The following PRRG2 variants were observed in gnomAD, a reference collection of about 807,000 sequenced individuals.
PRRG2 encodes the protein transmembrane gamma-carboxyglutamic acid protein 2.
Under a neutral mutation model 27.1 loss-of-function variants are expected in PRRG2, and 23 were observed. The ratio of observed to expected loss-of-function variants is 0.85; its 90% CI spans 0.61 to 1.20. The LOEUF (loss-of-function observed/expected upper bound fraction) is 1.20, where lower values mean the gene tolerates loss of function less well. Among genes scored for constraint, PRRG2 ranks in the 50% most tolerant of loss-of-function variants. The probability of loss-of-function intolerance (pLI) is 0.00; values close to 1 mark genes in which losing one functional copy is unlikely to be tolerated. For missense variants in PRRG2, 276 were observed against 254.8 expected, an observed-to-expected ratio of 1.08 and a Z score of -0.57; for synonymous variants, 104 against 103.4, an observed-to-expected ratio of 1.01 and a Z score of -0.03.
At position 49,582,456 on chromosome 19, in the gene PRRG2, C is replaced by T. The variant is rs541008645; in HGVS notation, c.-13-751C>T. On this transcript the variant is annotated intron_variant, in intron 1 of 6. Coordinates refer to ENST00000246794, the MANE Select transcript of PRRG2 (RefSeq NM_000951.3). Reference sequence around the variant, plus strand: ...CGCCTGGCTAATTTTTGTATGACTCCTGTGAAAAGTAAAATGAGTTGAGGC... The same window carrying T: ...CGCCTGGCTAATTTTTGTATGACTCTTGTGAAAAGTAAAATGAGTTGAGGC... Among the ~76,000 whole-genome samples the T allele has an allele frequency of 2.4e-3, 371 of 151,706 alleles. 2 individuals carry two copies. Among genetic ancestry groups the T allele is most frequent in the Non-Finnish European group, 4.2e-3 (286 of 67,886 alleles).
intron 6 of PRRG2, 120 bp downstream of exon 6, chr19:49,590,172 A>C: frequency 2.4e-6 from 3 of 1,245,104 alleles, no homozygotes; most frequent in Non-Finnish European, 3.3e-6. Context: ...CGGGGCTTGG[A>C]GTGCGGGGGC....
In PRRG2 at chr19:49,590,398, T is replaced by G. The variant is rs745837724; in HGVS notation, c.*9T>G. The G allele has an allele frequency of 6.2e-7, 1 of 1,614,088 alleles. No individual in the cohort carries two copies. The highest frequency in any genetic ancestry group is 1.3e-5 in the African/African-American group (1 of 75,036). On this transcript the variant is annotated 3_prime_UTR_variant, in exon 7 of 7. Transcript: ENST00000246794. Reference sequence around the variant, plus strand: ...TCAGGAGGCCTCACTGAAGAGCTGCTTTCGAGACCCGGCTCTCCGAACCGT... The same window carrying G: ...TCAGGAGGCCTCACTGAAGAGCTGCGTTCGAGACCCGGCTCTCCGAACCGT...
intron 4 of PRRG2, among the ~76,000 whole-genome samples, chr19:49,585,315 C>T (rs1331962014): frequency 1.3e-5 from 2 of 152,174 alleles, no homozygotes; most frequent in Non-Finnish European, 2.9e-5. Flanking sequence ...GGTAGCTGCA[C>T]CTTAGCAACA....
intron 1 of PRRG2, among the ~76,000 whole-genome samples, chr19:49,581,890 G>C (rs1172533574): frequency 6.6e-6 from 1 of 152,034 alleles, no homozygotes; most frequent in African/African-American, 2.4e-5. Flanking sequence ...GTGACCTTCG[G>C]CAAGCTATAT....
chr19:49,584,455 C>A (rs1023207453), intron 4 of PRRG2, among the ~76,000 whole-genome samples: 2 of 151,990 alleles, frequency 1.3e-5, no homozygotes, highest in Non-Finnish European at 1.5e-5. Context: ...CAGGCGTGAG[C>A]CACCGCGCCA....
chr19:49,585,152 C>A (rs903945760), intron 4 of PRRG2, among the ~76,000 whole-genome samples: 2 of 152,324 alleles, frequency 1.3e-5, no homozygotes, highest in South Asian at 2.1e-4. Flanking sequence ...TCCCCTCCCC[C>A]ACAGCCCCAT....
intron 1 of PRRG2, among the ~76,000 whole-genome samples, chr19:49,582,545 T>C (rs1376301185): frequency 6.6e-6 from 1 of 151,958 alleles, no homozygotes; most frequent in Non-Finnish European, 1.5e-5. Flanking sequence ...GGCAGGCAGA[T>C]CACTTGAGGT....
At chr19:49,582,757 A>G (rs889869788) in intron 1 of PRRG2, among the ~76,000 whole-genome samples, 14 of 151,700 alleles carry the variant, frequency 9.2e-5, no homozygotes, top group African/African-American at 3.4e-4. Context: ...AGTCCCAGCT[A>G]CTCGGGAGGC....
intron 4 of PRRG2, among the ~76,000 whole-genome samples, chr19:49,585,076 T>A (rs1056882855): frequency 2.6e-5 from 4 of 152,092 alleles, no homozygotes; most frequent in Non-Finnish European, 5.9e-5. Flanking sequence ...GGGGGGCTGC[T>A]CCTTAGCAAC....
At position 49,590,039 on chromosome 19, in the gene PRRG2, C is replaced by A. The variant is rs1280883056; in HGVS notation, c.577C>A (p.Pro193Thr). The A allele has an allele frequency of 7.9e-6, 12 of 1,520,678 alleles. No individual in the cohort carries two copies. In the South Asian group the frequency reaches 8.5e-5, roughly 11 times the overall value. 94.2% of individuals were successfully genotyped at this position (1,520,678 alleles called of 1,614,324 possible). The change falls in exon 6 of 7, where the codon CCC becomes ACC. Residue 193 changes from proline to threonine, a missense_variant. Pro to Thr is a conservative substitution (Grantham distance 38, BLOSUM62 -1). Transcript: ENST00000246794. Reference sequence around the variant, plus strand: ...CTCTGGGGTACACGACGCACCTCCACCCCCCTACACCAGGTATGGGGCGTG... The same window carrying A: ...CTCTGGGGTACACGACGCACCTCCAACCCCCTACACCAGGTATGGGGCGTG... ...AASGVHDAPP[P>T]PYTSLRRPH is the part of the protein sequence containing the mutation.
intron 2 of PRRG2, 33 bp from the exon 3 acceptor site, chr19:49,583,509 C>T (rs757902431): frequency 6.2e-7 from 1 of 1,610,614 alleles, no homozygotes; most frequent in South Asian, 1.1e-5. Flanking sequence ...TAGGGACCCT[C>T]CATTTTTCTG....
chr19:49,583,351 C>A (rs2080642652), intron 2 of PRRG2, 47 bp downstream of exon 2: 1 of 1,589,422 alleles, frequency 6.3e-7, no homozygotes, highest in South Asian at 1.1e-5. Context: ...CGTTGGCCTC[C>A]CCCTGACTCA....
intron 2 of PRRG2, 81 bp from the exon 3 acceptor site, chr19:49,583,461 G>T (rs1196648482): frequency 3.9e-6 from 6 of 1,548,736 alleles, no homozygotes; most frequent in Non-Finnish European, 5.3e-6. Context: ...CCTTCCTCCA[G>T]GACCCCACTG....
intron 1 of PRRG2, among the ~76,000 whole-genome samples, chr19:49,582,843 G>A (rs751600579): frequency 1.5e-4 from 23 of 151,936 alleles, no homozygotes; most frequent in Non-Finnish European, 2.6e-4. Flanking sequence ...ACTCTAGCCT[G>A]GGTGACAGAG....
In PRRG2 at chr19:49,589,942, CCCA is replaced by C. The variant is rs758817200; in HGVS notation, c.483_485del (p.Pro162del). ...CTCTGAGTCCTTTGAACCCTCTGGG[CCCA>C]CCGACGCCCCTGCCTCCACCCCCAC... On this transcript the variant is annotated inframe_deletion, in exon 6 of 7. Transcript: ENST00000246794. The C allele has an allele frequency of 3.7e-6, 6 of 1,609,616 alleles. No individual in the cohort carries two copies. The highest frequency in any genetic ancestry group is 5.1e-6 in the Non-Finnish European group (6 of 1,179,730).
chr19:49,590,442 A>C lies in PRRG2; in HGVS notation c.*53A>C. 1 of 1,612,448 alleles carries C rather than the reference A, an allele frequency of 6.2e-7. No individual in the cohort carries two copies. The highest frequency in any genetic ancestry group is 2.2e-5 in the East Asian group (1 of 44,876). Reference sequence around the variant, plus strand: ...GAACCGTGCCCCTGATTCATACCGGATTCCGGAAGCCGCTAGGCCTCATAG... The same window carrying C: ...GAACCGTGCCCCTGATTCATACCGGCTTCCGGAAGCCGCTAGGCCTCATAG... On this transcript the variant is annotated 3_prime_UTR_variant, in exon 7 of 7. Coordinates refer to ENST00000246794, the MANE Select transcript of PRRG2 (RefSeq NM_000951.3).
At position 49,583,229 on chromosome 19, in the gene PRRG2, C is replaced by T. The variant is rs750534883; in HGVS notation, c.10C>T (p.His4Tyr). MRG[H>Y]PSLLLLYMAL... ...TAGGTGTCTGGAAAATATGAGGGGC[C>T]ACCCCTCTCTGCTGCTGCTATATAT... The change falls in exon 2 of 7, where the codon CAC becomes TAC. Residue 4 changes from histidine to tyrosine, a missense_variant. Physicochemically the swap from His to Tyr is moderately conservative, Grantham distance 83 (BLOSUM62 2). Coordinates refer to ENST00000246794, the MANE Select transcript of PRRG2 (RefSeq NM_000951.3). 6.2e-6 allele frequency: 10 copies of T among 1,613,996 alleles called. No homozygotes were observed. In the South Asian group the frequency reaches 8.8e-5, roughly 14 times the overall value.
At chr19:49,587,965 T>G (rs1026754260) in intron 4 of PRRG2, among the ~76,000 whole-genome samples, 3 of 63,992 alleles carry the variant, frequency 4.7e-5, no homozygotes, top group Non-Finnish European at 7.8e-5. Context: ...GTTTGTTTTG[T>G]TTTTTTTTAT....
rs1363353767 is a variant in PRRG2 at position 49,583,189 on chromosome 19, TAACA to T, written c.-13-14_-13-11del. 1 of 1,603,084 alleles carries T rather than the reference TAACA, an allele frequency of 6.2e-7. No individual in the cohort carries two copies. The highest frequency in any genetic ancestry group is 8.5e-7 in the Non-Finnish European group (1 of 1,170,572). ...CAGGGACTAAGGCCCTTGTCAGCTG[TAACA>T]AACCTGGTTCTAGGTGTCTGGAAAA... On this transcript the variant is annotated splice_polypyrimidine_tract_variant and intron_variant, in intron 1 of 6. Transcript: ENST00000246794.
Sources: allele counts gnomAD v4.1 joint callset (sites outside exome capture counted in the v4.1 genomes callset), GRCh38; gene constraint gnomAD v4.1.1; transcripts MANE v1.5; gene names NCBI Gene and HGNC (gene_info 2026-07-23, HGNC 2026-07-21).